The following DCDC1 variants were observed in gnomAD, a reference collection of about 807,000 sequenced individuals.
DCDC1 encodes the protein doublecortin domain-containing protein 1.
A neutral mutation model predicts 178.3 loss-of-function variants in DCDC1; 200 were observed. That is an observed-to-expected ratio of 1.12 (90% CI 1.00 to 1.26). The LOEUF (loss-of-function observed/expected upper bound fraction) is 1.26. Among genes scored for constraint, DCDC1 ranks in the 50% most tolerant of loss-of-function variants. The pLI, the probability that DCDC1 is intolerant of heterozygous loss-of-function variation, is 0.00. For synonymous variants in DCDC1, 690 were observed against 604.8 expected (o/e 1.14, Z -2.07); for missense variants, 1,983 against 1,749.2 (o/e 1.13, Z -2.38).
chr11:30,915,667 T>A lies in DCDC1; in HGVS notation c.3497A>T (p.Gln1166Leu), dbSNP rs767659284. 3 of 1,613,940 alleles carry A rather than the reference T, an allele frequency of 1.9e-6. No homozygotes were observed. Among genetic ancestry groups the A allele is most frequent in the South Asian group, 2.2e-5 (2 of 91,074 alleles). The change falls in exon 27 of 39, where the codon CAG becomes CTG. Residue 1166 changes from glutamine to leucine, a missense_variant. By Grantham distance (113) the Gln-to-Leu change is moderately radical (BLOSUM62 -2). Transcript: ENST00000684477. Reference sequence around the variant, plus strand: ...AATCTGCCCATCTCTGTATTCGAACTGCTGATGACAATGCTTGTGCAATTT... The same window carrying A: ...AATCTGCCCATCTCTGTATTCGAACAGCTGATGACAATGCTTGTGCAATTT... ...HSKLHKHCHQ[Q>L]FEYRDGQIIS...
chr11:31,025,526 A>G (rs1264298366), intron 20 of DCDC1, among the ~76,000 whole-genome samples: 1 of 151,790 alleles, frequency 6.6e-6, no homozygotes, highest in African/African-American at 2.4e-5. Context: ...AACTAAGCCA[A>G]TCTTCCTGTT....
At chr11:30,873,102 T>TCC (rs1941744854) in intron 38 of DCDC1, among the ~76,000 whole-genome samples, 1 of 144,852 alleles carries the variant, frequency 6.9e-6, no homozygotes, top group South Asian at 2.1e-4. Flanking sequence ...TCTCTCTCTG[T>TCC]CTCTCTCTCT....
At chr11:31,159,733 G>T (rs1035237796) in intron 9 of DCDC1, among the ~76,000 whole-genome samples, 18 of 152,096 alleles carry the variant, frequency 1.2e-4, no homozygotes, top group Non-Finnish European at 1.2e-4. Context: ...CTTGACAAAT[G>T]AATTGTGAGG....
At chr11:31,074,855 T>C (rs1056199990) in intron 18 of DCDC1, among the ~76,000 whole-genome samples, 1 of 152,194 alleles carries the variant, frequency 6.6e-6, no homozygotes, top group Non-Finnish European at 1.5e-5. Context: ...GTGACTCTGG[T>C]GATGTCTCTG....
At chr11:30,913,787 T>C (rs1419848420) in intron 27 of DCDC1, among the ~76,000 whole-genome samples, 1 of 152,216 alleles carries the variant, frequency 6.6e-6, no homozygotes, top group African/African-American at 2.4e-5. Context: ...TCAGAACTAG[T>C]ATTCTCTTCC....
intron 15 of DCDC1, 44 bp from the exon 16 acceptor site, chr11:31,094,228 G>A (rs1355857151): frequency 1.3e-6 from 1 of 759,082 alleles, no homozygotes; most frequent in Admixed American, 1.7e-5. Context: ...CATAGTCTAA[G>A]AGTTAAACTC....
At chr11:31,087,184 C>G (rs566836192) in intron 17 of DCDC1, among the ~76,000 whole-genome samples, 2 of 152,078 alleles carry the variant, frequency 1.3e-5, no homozygotes, top group Non-Finnish European at 2.9e-5. Flanking sequence ...TCAAAATATT[C>G]CCTTATCATC....
Position 30,905,168 on chromosome 11 carries a change from A to C in DCDC1, c.4105-4T>G. 1.9e-6 allele frequency: 3 copies of C among 1,565,288 alleles called. No homozygotes were observed. The highest frequency in any genetic ancestry group is 2.6e-6 in the Non-Finnish European group (3 of 1,153,384). ...CCTTGTCACACGACAAATCAACCTA[A>C]TTTTTTAAAAAATAAATTGTACATT... On this transcript the variant is annotated splice_region_variant and splice_polypyrimidine_tract_variant and intron_variant, in intron 30 of 38. Coordinates refer to ENST00000684477, the MANE Select transcript of DCDC1 (RefSeq NM_001387274.1).
At chr11:31,137,942 T>G (rs1389830478) in intron 9 of DCDC1, among the ~76,000 whole-genome samples, 158 bp from the exon 10 acceptor site, 2 of 152,240 alleles carry the variant, frequency 1.3e-5, no homozygotes, top group Non-Finnish European at 2.9e-5. Context: ...TTTTTATATT[T>G]AAAACATTTA....
chr11:30,937,782 C>G (rs1358236265), intron 21 of DCDC1, among the ~76,000 whole-genome samples: 1 of 152,132 alleles, frequency 6.6e-6, no homozygotes, highest in Admixed American at 6.6e-5. Context: ...CTTCTACAGC[C>G]TTACTGACAG....
chr11:31,224,375 C>T (rs941233819), intron 9 of DCDC1, among the ~76,000 whole-genome samples: 16 of 151,906 alleles, frequency 1.1e-4, no homozygotes, highest in African/African-American at 3.4e-4. Context: ...GATGGATCAA[C>T]GATCAAAATC....
In DCDC1 at chr11:31,063,184, TA is replaced by T. The variant is rs781611929; in HGVS notation, c.2591+1284del. Among the ~76,000 whole-genome samples the T allele has an allele frequency of 1.1e-4, 16 of 152,108 alleles. No homozygotes were observed. The East Asian group carries it at 2.9e-3, about 28-fold the overall frequency. On this transcript the variant is annotated intron_variant, in intron 20 of 38. Coordinates refer to ENST00000684477, the MANE Select transcript of DCDC1 (RefSeq NM_001387274.1). ...TCACACCAGTTAGAATGGCGATCAT[TA>T]AAAAGTCAGGAAACAACAGGTGCTG...
chr11:31,098,346 T>C (rs1412344598), intron 15 of DCDC1, among the ~76,000 whole-genome samples: 1 of 152,194 alleles, frequency 6.6e-6, no homozygotes, highest in Non-Finnish European at 1.5e-5. Flanking sequence ...GAAAAATGTA[T>C]TCACCAAATT....
intron 6 of DCDC1, among the ~76,000 whole-genome samples, chr11:31,294,543 A>C (rs571593937): frequency 9.8e-5 from 14 of 143,354 alleles, no homozygotes; most frequent in Admixed American, 1.4e-4. Flanking sequence ...AGATCGTGCC[A>C]CTGCACTCCA....
rs939193793 is a variant in DCDC1 at position 31,122,749 on chromosome 11, G to A, written c.1485+4720C>T. 1.4e-4 allele frequency among the ~76,000 whole-genome samples: 22 copies of A among 152,064 alleles called. 1 individual carries two copies. The highest frequency in any genetic ancestry group is 9.2e-4 in the Admixed American group (14 of 15,246). On this transcript the variant is annotated intron_variant, in intron 11 of 38. Transcript: ENST00000684477. ...AAAGAAAGAAGACATATGTAGGACC[G>A]CTCTTGTTAATCAATGACATGGGCA... is the stretch of plus-strand genomic sequence containing the variant.
chr11:31,146,951 C>T (rs1270247924), intron 9 of DCDC1, among the ~76,000 whole-genome samples: 1 of 152,084 alleles, frequency 6.6e-6, no homozygotes, highest in African/African-American at 2.4e-5. Context: ...GCCATCGTGT[C>T]GAGGTGGCTG....
At chr11:31,134,946 T>C (rs1266721847) in intron 10 of DCDC1, among the ~76,000 whole-genome samples, 1 of 152,164 alleles carries the variant, frequency 6.6e-6, no homozygotes, top group Admixed American at 6.5e-5. Context: ...CAGTGAGCTA[T>C]GATCACACTG....
At chr11:30,927,561 T>C (rs1198464521) in intron 22 of DCDC1, among the ~76,000 whole-genome samples, 1 of 152,154 alleles carries the variant, frequency 6.6e-6, no homozygotes, top group Admixed American at 6.6e-5. Flanking sequence ...TCCAGCTAGT[T>C]AGTGGCAATG....
chr11:31,025,314 T>C (rs1953149836), intron 20 of DCDC1, among the ~76,000 whole-genome samples: 1 of 151,802 alleles, frequency 6.6e-6, no homozygotes, highest in South Asian at 2.1e-4. Context: ...GAACAAGTGC[T>C]TGAACTCAAA....
Sources: gnomAD v4.1 joint callset for allele counts (sites outside exome capture counted in the v4.1 genomes callset) on GRCh38, gnomAD v4.1.1 for gene constraint, MANE v1.5 for transcripts, NCBI Gene and HGNC (gene_info 2026-07-23, HGNC 2026-07-21) for gene names.